The following NHSL2 variants were observed in gnomAD, a reference collection of about 807,000 sequenced individuals.
The protein encoded by NHSL2 is NHS like 2, also known as NHS-like protein 2.
NHSL2 carries 27 observed loss-of-function variants against 53.4 expected under a neutral mutation model. The observed-to-expected ratio is 0.51, with a 90% CI of 0.37 to 0.70. The LOEUF is 0.70. Ranked by LOEUF, NHSL2 falls within the 30% of genes least tolerant of loss-of-function variation. The pLI is 0.00. For synonymous variants in NHSL2, 408 were observed against 404.1 expected, an observed-to-expected ratio of 1.01 and a Z score of -0.12; for missense variants, 892 against 980.1, an observed-to-expected ratio of 0.91 and a Z score of 1.20.
rs2042518287 is a variant in NHSL2 at position 72,152,055 on chromosome X, G to A, written c.*8481G>A. The A allele has an allele frequency of 8.9e-6, 1 of 112,516 alleles. No homozygotes were observed. The highest frequency in any genetic ancestry group is 3.2e-5 in the African/African-American group (1 of 30,946). The allele number at this position is 112,516 out of a possible 1,213,427, so 9.3% of individuals were successfully genotyped here. On this transcript the variant is annotated 3_prime_UTR_variant, in exon 8 of 8. Transcript: ENST00000633930. ...TCAGCCCCTGGGATGGGCTCCTTGG[G>A]ATTGCCCATGCAACAACACAGCCAC...
At chrX:71,921,944 A>ATTTGTAT (rs1341705670) in intron 1 of NHSL2, among the ~76,000 whole-genome samples, 10 of 112,096 alleles carry the variant, frequency 8.9e-5, no homozygotes, top group Non-Finnish European at 1.7e-4. Context: ...TATTATCCAC[A>ATTTGTAT]TTTGTATTTT....
At chrX:71,978,026 T>C (rs1393785892) in intron 1 of NHSL2, among the ~76,000 whole-genome samples, 1 of 111,253 alleles carries the variant, frequency 9.0e-6, no homozygotes, top group Admixed American at 9.6e-5. Flanking sequence ...TAACCTCCCT[T>C]GACCTCAATT....
At chrX:72,074,133 C>G (rs946216319) in intron 1 of NHSL2, among the ~76,000 whole-genome samples, 3 of 110,124 alleles carry the variant, frequency 2.7e-5, no homozygotes, top group Non-Finnish European at 5.7e-5. Context: ...CATCCCTCTC[C>G]CCGCAAGCAA....
chrX:71,997,941 A>G (rs2042056502), intron 1 of NHSL2, among the ~76,000 whole-genome samples: 1 of 111,964 alleles, frequency 8.9e-6, no homozygotes, highest in African/African-American at 3.3e-5. Flanking sequence ...CATTCTCACA[A>G]TAGTTCCAAC....
chrX:72,057,805 T>G (rs970959081), intron 1 of NHSL2, among the ~76,000 whole-genome samples: 6 of 112,120 alleles, frequency 5.4e-5, no homozygotes. Context: ...CACCTTAGTG[T>G]GAATCAAGGC....
intron 1 of NHSL2, among the ~76,000 whole-genome samples, chrX:72,125,741 G>T (rs1482151000): frequency 8.9e-6 from 1 of 112,082 alleles, no homozygotes; most frequent in East Asian, 2.8e-4. Context: ...GTACTGGGGA[G>T]TCCTAGTGCT....
chrX:72,073,938 G>A (rs1426697117), intron 1 of NHSL2, among the ~76,000 whole-genome samples: 2 of 112,563 alleles, frequency 1.8e-5, no homozygotes, highest in Admixed American at 1.9e-4. Flanking sequence ...ACCACATATC[G>A]TTTGATGGCA....
chrX:71,942,935 G>A (rs201166094), intron 1 of NHSL2, among the ~76,000 whole-genome samples: 1 of 100,614 alleles, frequency 9.9e-6, no homozygotes, highest in Non-Finnish European at 2.0e-5. Flanking sequence ...AGTCTTTGTC[G>A]AGGGCTCTAA....
intron 1 of NHSL2, among the ~76,000 whole-genome samples, chrX:72,010,583 T>G (rs2042111559): frequency 8.9e-6 from 1 of 112,478 alleles, no homozygotes; most frequent in Non-Finnish European, 1.9e-5. Context: ...ATGTGGGTAC[T>G]TAAAAATAAA....
intron 1 of NHSL2, among the ~76,000 whole-genome samples, chrX:72,116,609 G>A (rs916182233): frequency 1.8e-5 from 2 of 112,122 alleles, no homozygotes; most frequent in Admixed American, 9.4e-5. Flanking sequence ...GACTGCGTGC[G>A]TGGGTCCCCA....
chrX:72,098,951 A>G (rs2041967968), intron 1 of NHSL2, among the ~76,000 whole-genome samples: 1 of 112,212 alleles, frequency 8.9e-6, no homozygotes, highest in African/African-American at 3.2e-5. Context: ...AAATGAGATC[A>G]TACAATACAT....
intron 1 of NHSL2, among the ~76,000 whole-genome samples, chrX:71,996,648 G>A (rs1008622836): frequency 3.6e-5 from 4 of 112,258 alleles, no homozygotes; most frequent in African/African-American, 1.3e-4. Context: ...CATTTTCAGA[G>A]GAGAACATTG....
chrX:72,075,677 C>G (rs895160687), intron 1 of NHSL2, among the ~76,000 whole-genome samples: 1 of 111,811 alleles, frequency 8.9e-6, no homozygotes, highest in Non-Finnish European at 1.9e-5. Context: ...ATCGAGCCTC[C>G]TTGGTCAGTT....
intron 1 of NHSL2, among the ~76,000 whole-genome samples, chrX:72,118,095 A>T (rs1229187284): frequency 9.0e-6 from 1 of 111,333 alleles, no homozygotes; most frequent in Non-Finnish European, 1.9e-5. Context: ...TCAGCAATGT[A>T]TTAACACAAG....
In NHSL2 at chrX:72,139,589, A is replaced by C; in HGVS notation, c.2041A>C (p.Thr681Pro). 2 of 1,209,696 alleles carry C rather than the reference A, an allele frequency of 1.7e-6. No individual in the cohort carries two copies. Among genetic ancestry groups the C allele is most frequent in the Non-Finnish European group, 2.2e-6 (2 of 894,408 alleles). ...GSSESLASPS[T>P]SRATTPSQLS... ...CTCAGAGTCTCTTGCCTCACCTTCC[A>C]CCTCCAGAGCCACTACACCTTCCCA... The change falls in exon 6 of 8, where the codon ACC (threonine) becomes CCC (proline). Residue 681 changes from threonine (T) to proline (P), a missense_variant. By Grantham distance (38) the Thr-to-Pro change is conservative. Coordinates refer to ENST00000633930, the MANE Select transcript of NHSL2 (RefSeq NM_001013627.3).
intron 1 of NHSL2, among the ~76,000 whole-genome samples, chrX:72,061,792 A>G (rs1044305298): frequency 4.5e-5 from 5 of 112,154 alleles, no homozygotes; most frequent in African/African-American, 1.6e-4. Flanking sequence ...TCGTGGCCTC[A>G]TGGCCTTGGC....
At chrX:72,013,026 T>C (rs2042122172) in intron 1 of NHSL2, among the ~76,000 whole-genome samples, 1 of 112,666 alleles carries the variant, frequency 8.9e-6, no homozygotes, top group African/African-American at 3.2e-5. Context: ...TCTAGTTTCT[T>C]TGCCTTTCCA....
At chrX:72,096,395 G>A (rs1294828563) in intron 1 of NHSL2, among the ~76,000 whole-genome samples, 2 of 111,976 alleles carry the variant, frequency 1.8e-5, no homozygotes, top group Admixed American at 9.4e-5. Flanking sequence ...AGGCTGGTGA[G>A]GTACAATGTA....
At chrX:71,961,381 C>T (rs1245854127) in intron 1 of NHSL2, among the ~76,000 whole-genome samples, 2 of 109,829 alleles carry the variant, frequency 1.8e-5, no homozygotes, top group African/African-American at 3.3e-5. Context: ...GTTCTTCTTT[C>T]CTTTCTTCTG....
Sources: gnomAD v4.1 joint callset for allele counts (sites outside exome capture counted in the v4.1 genomes callset) on GRCh38, gnomAD v4.1.1 for gene constraint, MANE v1.5 for transcripts, NCBI Gene and HGNC (gene_info 2026-07-23, HGNC 2026-07-21) for gene names.